The following ZBTB44 variants were observed in gnomAD, a reference collection of about 807,000 sequenced individuals.
The protein encoded by ZBTB44 is zinc finger and BTB domain containing 44, also known as zinc finger and BTB domain-containing protein 44.
ZBTB44 carries 15 observed loss-of-function variants against 54.0 expected under a neutral mutation model. The ratio of observed to expected loss-of-function variants is 0.28; its 90% CI spans 0.19 to 0.43. The LOEUF is 0.43. Ranked by LOEUF, ZBTB44 falls within the 20% of genes least tolerant of loss-of-function variation. The pLI is 1.00. For synonymous variants in ZBTB44, 230 were observed against 250.1 expected (o/e 0.92, Z 0.76); for missense variants, 487 against 707.1 (o/e 0.69, Z 3.53).
In ZBTB44 at chr11:130,234,320, G is replaced by C. The variant is rs200684833; in HGVS notation, c.1569-47C>G. 55 of 1,470,688 alleles carry C rather than the reference G, an allele frequency of 3.7e-5. No individual in the cohort carries two copies. In the African/African-American group the frequency reaches 7.4e-4, roughly 20 times the overall value. The allele number at this position is 1,470,688 out of a possible 1,614,324, so 91.1% of individuals were successfully genotyped here. ...AAATATGGAATTAATTTTCAAACCAGTAATAGATAAGCAACAGTAAAAAGC... is the reference window on the plus strand; with the variant it reads ...AAATATGGAATTAATTTTCAAACCACTAATAGATAAGCAACAGTAAAAAGC... On this transcript the variant is annotated intron_variant, in intron 5 of 7. Coordinates refer to ENST00000357899, the MANE Select transcript of ZBTB44 (RefSeq NM_001301098.2).
At chr11:130,289,572 G>A (rs1269947740) in intron 1 of ZBTB44, among the ~76,000 whole-genome samples, 1 of 144,768 alleles carries the variant, frequency 6.9e-6, no homozygotes, top group Non-Finnish European at 1.5e-5. Context: ...GGTAGCTTCA[G>A]AAGTTAGGTT....
chr11:130,303,665 C>G (rs538904352), intron 1 of ZBTB44, among the ~76,000 whole-genome samples: 1 of 151,680 alleles, frequency 6.6e-6, no homozygotes, highest in Non-Finnish European at 1.5e-5. Context: ...CAAAAAAACC[C>G]AAAAAAACAC....
intron 1 of ZBTB44, among the ~76,000 whole-genome samples, chr11:130,309,111 C>T (rs935903003): frequency 1.3e-5 from 2 of 152,228 alleles, no homozygotes; most frequent in Admixed American, 6.5e-5. Flanking sequence ...GCCCTCTCTG[C>T]AGCACACAGC....
chr11:130,292,138 A>G (rs1407687944), intron 1 of ZBTB44, among the ~76,000 whole-genome samples: 1 of 152,208 alleles, frequency 6.6e-6, no homozygotes, highest in Non-Finnish European at 1.5e-5. Flanking sequence ...CATTGCATGG[A>G]TGTAACACAA....
intron 1 of ZBTB44, among the ~76,000 whole-genome samples, chr11:130,314,027 G>C (rs886132026): frequency 6.6e-6 from 1 of 151,892 alleles, no homozygotes; most frequent in Admixed American, 6.6e-5. Context: ...AAGGGGAAAG[G>C]AGGAAAAAAA....
intron 1 of ZBTB44, among the ~76,000 whole-genome samples, chr11:130,305,733 GCAA>G (rs929954546): frequency 1.3e-5 from 2 of 152,038 alleles, no homozygotes; most frequent in Non-Finnish European, 2.9e-5. Flanking sequence ...AAAAGCGAAT[GCAA>G]CAAAAATAAA....
At chr11:130,296,610 G>C in intron 1 of ZBTB44, 1 of 889,102 alleles carries the variant, frequency 1.1e-6, no homozygotes, top group Non-Finnish European at 1.9e-6. Context: ...GGCCTAAATG[G>C]GAGAAGACAT....
At chr11:130,276,607 G>C (rs754192275) in intron 1 of ZBTB44, among the ~76,000 whole-genome samples, 2 of 151,794 alleles carry the variant, frequency 1.3e-5, no homozygotes, top group Non-Finnish European at 2.9e-5. Flanking sequence ...GCTAATTTTT[G>C]TATTTTTAGT....
At chr11:130,266,340 T>C (rs1939247805) in intron 1 of ZBTB44, among the ~76,000 whole-genome samples, 1 of 152,234 alleles carries the variant, frequency 6.6e-6, no homozygotes, top group Non-Finnish European at 1.5e-5. Flanking sequence ...TTTCCAACAG[T>C]GCATCTGGTC....
chr11:130,256,118 A>G (rs183633129), intron 2 of ZBTB44, among the ~76,000 whole-genome samples: 3 of 152,190 alleles, frequency 2.0e-5, no homozygotes, highest in Admixed American at 6.5e-5. Flanking sequence ...TGATTCCAAA[A>G]CCTGGCAGAG....
chr11:130,272,004 G>T (rs1939707312), intron 1 of ZBTB44, among the ~76,000 whole-genome samples: 1 of 152,084 alleles, frequency 6.6e-6, no homozygotes, highest in South Asian at 2.1e-4. Context: ...GTCGAGGCGG[G>T]TGGATTACTT....
At chr11:130,282,879 T>C (rs985086326) in intron 1 of ZBTB44, among the ~76,000 whole-genome samples, 7 of 152,262 alleles carry the variant, frequency 4.6e-5, no homozygotes, top group African/African-American at 1.4e-4. Context: ...GGTCTCGCTA[T>C]GCTACCCACA....
chr11:130,295,936 A>C, intron 1 of ZBTB44: 3 of 1,522,892 alleles, frequency 2.0e-6, no homozygotes, highest in Admixed American at 3.4e-5. Context: ...TGAAGCACAG[A>C]AACTTGCTAA....
intron 1 of ZBTB44, among the ~76,000 whole-genome samples, chr11:130,269,453 A>G (rs999366304): frequency 6.6e-6 from 1 of 152,254 alleles, no homozygotes; most frequent in African/African-American, 2.4e-5. Flanking sequence ...ATAAAAATGT[A>G]CTTGTAGCAG....
intron 2 of ZBTB44, among the ~76,000 whole-genome samples, chr11:130,241,377 T>C (rs972268071): frequency 1.3e-5 from 2 of 152,340 alleles, no homozygotes; most frequent in Middle Eastern, 3.4e-3. Flanking sequence ...TTACCAACAT[T>C]TGGTATTGCT....
chr11:130,296,895 C>G (rs948664933), intron 1 of ZBTB44: 1 of 729,670 alleles, frequency 1.4e-6, no homozygotes, highest in Admixed American at 1.9e-5. Flanking sequence ...TTTCAAAGTG[C>G]CTGCCTTTGT....
Position 130,314,525 on chromosome 11 carries a change from C to A in ZBTB44, c.-207G>T. On this transcript the variant is annotated 5_prime_UTR_variant, in exon 1 of 8. Coordinates refer to ENST00000357899, the MANE Select transcript of ZBTB44 (RefSeq NM_001301098.2). ...TCCTCCCCCGGGAGGCTCAGGGGCC[C>A]CTATCTCGGGCCGCCGCGCCTAGGC... 1 of 152,140 alleles carries A rather than the reference C, an allele frequency of 6.6e-6. No individual in the cohort carries two copies. The highest frequency in any genetic ancestry group is 1.9e-4 in the South Asian group (1 of 5,366). The allele number at this position is 152,140 out of a possible 1,614,324, so 9.4% of individuals were successfully genotyped here. A position where few individuals can be genotyped will look rare whatever the true frequency, so the allele number is the denominator to read the frequency against.
At chr11:130,259,971 AGAGAAAAC>A (rs1938738095) in intron 2 of ZBTB44, among the ~76,000 whole-genome samples, 1 of 151,304 alleles carries the variant, frequency 6.6e-6, no homozygotes. Context: ...AAATACTGCC[AGAGAAAAC>A]AACTATAAAT....
At chr11:130,259,466 G>A (rs1473008207) in intron 2 of ZBTB44, among the ~76,000 whole-genome samples, 1 of 152,132 alleles carries the variant, frequency 6.6e-6, no homozygotes, top group Non-Finnish European at 1.5e-5. Flanking sequence ...TACACCCAAA[G>A]GATTATAAAT....
Sources: allele counts gnomAD v4.1 joint callset (sites outside exome capture counted in the v4.1 genomes callset), GRCh38; gene constraint gnomAD v4.1.1; transcripts MANE v1.5; gene names NCBI Gene and HGNC (gene_info 2026-07-23, HGNC 2026-07-21).